Variants in PPP2R5E observed in about 807,000 individuals in gnomAD.
The protein encoded by PPP2R5E is serine/threonine-protein phosphatase 2A 56 kDa regulatory subunit epsilon isoform.
PPP2R5E carries 4 observed loss-of-function variants against 65.3 expected under a neutral mutation model. That is an observed-to-expected ratio of 0.06 (90% confidence interval 0.03 to 0.14). PPP2R5E has a LOEUF of 0.14. Among genes scored for constraint, PPP2R5E ranks in the 10% least tolerant of loss-of-function variants. PPP2R5E has a pLI of 1.00. For synonymous variants in PPP2R5E, 183 were observed against 187.4 expected (o/e 0.98, Z 0.19); for missense variants, 274 against 556.1 (o/e 0.49, Z 5.10).
At chr14:63,402,940 C>T (rs1885840181) in intron 5 of PPP2R5E, among the ~76,000 whole-genome samples, 1 of 152,160 alleles carries the variant, frequency 6.6e-6, no homozygotes, top group African/African-American at 2.4e-5. Context: ...CACCAAAGCA[C>T]ATCACTTTCT....
chr14:63,384,587 A>C lies in PPP2R5E; in HGVS notation c.1075-16T>G, dbSNP rs1884549438. ...TTTCTGCCACCTTTGGGAAAAGAAAAATAAAATGTTAAGAGAGAGAAAAAG... is the reference window on the plus strand; with the variant it reads ...TTTCTGCCACCTTTGGGAAAAGAAACATAAAATGTTAAGAGAGAGAAAAAG... On this transcript the variant is annotated splice_polypyrimidine_tract_variant and intron_variant, in intron 11 of 13. Transcript: ENST00000337537. The C allele has an allele frequency of 6.3e-7, 1 of 1,589,332 alleles. No individual in the cohort carries two copies. The highest frequency in any genetic ancestry group is 2.2e-5 in the East Asian group (1 of 44,690).
In PPP2R5E at chr14:63,539,690, C is replaced by T; in HGVS notation, c.-5G>A. 2 of 1,612,036 alleles carry T rather than the reference C, an allele frequency of 1.2e-6. No homozygotes were observed. Among genetic ancestry groups the T allele is most frequent in the Non-Finnish European group, 1.7e-6 (2 of 1,178,692 alleles). On this transcript the variant is annotated splice_region_variant and 5_prime_UTR_variant, in exon 2 of 14. Coordinates refer to ENST00000337537, the MANE Select transcript of PPP2R5E (RefSeq NM_006246.5). ...AGTAGTTGGTGCTGAGGACATATCCCTACTGAAGAGAAAGAAGTATCATAA... is the reference window on the plus strand; with the variant it reads ...AGTAGTTGGTGCTGAGGACATATCCTTACTGAAGAGAAAGAAGTATCATAA...
intron 5 of PPP2R5E, among the ~76,000 whole-genome samples, chr14:63,413,323 A>G (rs904067122): frequency 1.3e-5 from 2 of 152,340 alleles, no homozygotes; most frequent in African/African-American, 4.8e-5. Flanking sequence ...GAGAATTACT[A>G]TCTGATCCTC....
At chr14:63,430,393 A>ACATGCATG (rs1333941542) in intron 3 of PPP2R5E, among the ~76,000 whole-genome samples, 2 of 138,924 alleles carry the variant, frequency 1.4e-5, no homozygotes, top group Admixed American at 7.1e-5. Context: ...ATACATACAT[A>ACATGCATG]CATACATGCA....
intron 2 of PPP2R5E, among the ~76,000 whole-genome samples, chr14:63,515,252 A>C (rs1458613537): frequency 1.3e-5 from 2 of 152,246 alleles, no homozygotes; most frequent in African/African-American, 4.8e-5. Context: ...AACAGTATAC[A>C]CAACTGAAAT....
chr14:63,476,876 T>A (rs1890438150), intron 2 of PPP2R5E, among the ~76,000 whole-genome samples: 1 of 152,184 alleles, frequency 6.6e-6, no homozygotes, highest in Non-Finnish European at 1.5e-5. Flanking sequence ...ACCTGACTAG[T>A]GTCCACTAAC....
intron 2 of PPP2R5E, among the ~76,000 whole-genome samples, chr14:63,514,887 G>A (rs900806205): frequency 6.6e-6 from 1 of 152,186 alleles, no homozygotes; most frequent in Non-Finnish European, 1.5e-5. Context: ...CCACTTTACA[G>A]ACAAGCAAAC....
intron 1 of PPP2R5E, among the ~76,000 whole-genome samples, chr14:63,541,172 G>A (rs900327293): frequency 6.6e-6 from 1 of 152,134 alleles, no homozygotes; most frequent in East Asian, 1.9e-4. Flanking sequence ...AATGAGGACA[G>A]GCTAGATTAC....
At chr14:63,539,063 A>G (rs1893784558) in intron 2 of PPP2R5E, among the ~76,000 whole-genome samples, 3 of 152,152 alleles carry the variant, frequency 2.0e-5, no homozygotes, top group Non-Finnish European at 4.4e-5. Flanking sequence ...CATGTAAACA[A>G]CTATAAATGG....
intron 2 of PPP2R5E, among the ~76,000 whole-genome samples, chr14:63,526,920 A>G (rs1037798435): frequency 6.6e-6 from 1 of 152,246 alleles, no homozygotes; most frequent in African/African-American, 2.4e-5. Flanking sequence ...CTGTAATCCC[A>G]GCACTCTGGG....
At chr14:63,513,920 C>T (rs774615754) in intron 2 of PPP2R5E, among the ~76,000 whole-genome samples, 1 of 152,222 alleles carries the variant, frequency 6.6e-6, no homozygotes, top group Non-Finnish European at 1.5e-5. Flanking sequence ...CTTCCACTTG[C>T]ACATCCCCCA....
intron 7 of PPP2R5E, among the ~76,000 whole-genome samples, chr14:63,394,595 T>C (rs912425911): frequency 1.3e-5 from 2 of 152,190 alleles, no homozygotes; most frequent in Admixed American, 6.5e-5. Context: ...AATATGACCT[T>C]TTCCATTTCC....
At chr14:63,431,609 C>T (rs906206506) in intron 3 of PPP2R5E, among the ~76,000 whole-genome samples, 1 of 152,122 alleles carries the variant, frequency 6.6e-6, no homozygotes, top group Non-Finnish European at 1.5e-5. Flanking sequence ...GCAAGCCTGT[C>T]CATATCTTTA....
At chr14:63,397,666 T>G (rs945042229) in intron 5 of PPP2R5E, among the ~76,000 whole-genome samples, 1 of 152,132 alleles carries the variant, frequency 6.6e-6, no homozygotes, top group Non-Finnish European at 1.5e-5. Context: ...GTGCTCACTC[T>G]GTAAATAGTC....
In PPP2R5E at chr14:63,376,065, A is replaced by T; in HGVS notation, c.1348T>A (p.Leu450Met). ...EKEREELWKKLEDLELKRGLR... is the reference protein window; with the variant it reads ...EKEREELWKKMEDLELKRGLR... ...CCTCTCTTTAACTCCAGATCCTCCA[A>T]TTTTTTCCACAATTCTTCACGCTCC... The change falls in exon 14 of 14, where the codon TTG becomes ATG. Residue 450 changes from leucine to methionine, a missense_variant. Transcript: ENST00000337537. The T allele has an allele frequency of 1.2e-6, 2 of 1,610,034 alleles. No individual in the cohort carries two copies.
chr14:63,418,895 G>C (rs1038782132), intron 4 of PPP2R5E, among the ~76,000 whole-genome samples: 2 of 142,806 alleles, frequency 1.4e-5, no homozygotes, highest in African/African-American at 5.3e-5. Flanking sequence ...TGCCCAGGCA[G>C]GAGTGCAGTG....
chr14:63,414,456 A>G (rs1886578954), intron 5 of PPP2R5E, among the ~76,000 whole-genome samples: 1 of 152,170 alleles, frequency 6.6e-6, no homozygotes, highest in African/African-American at 2.4e-5. Context: ...GTTTGGCTCA[A>G]GCACCCATTT....
chr14:63,534,147 T>C (rs1452306876), intron 2 of PPP2R5E, among the ~76,000 whole-genome samples: 1 of 152,180 alleles, frequency 6.6e-6, no homozygotes, highest in Admixed American at 6.5e-5. Context: ...CCACTGATTA[T>C]TATTAACATA....
chr14:63,400,457 A>G (rs905255606), intron 5 of PPP2R5E, among the ~76,000 whole-genome samples: 2 of 152,206 alleles, frequency 1.3e-5, no homozygotes, highest in African/African-American at 4.8e-5. Context: ...TCAATAGTAC[A>G]TGCTTTTCCT....
Sources: gnomAD v4.1 joint callset for allele counts (sites outside exome capture counted in the v4.1 genomes callset) on GRCh38, gnomAD v4.1.1 for gene constraint, MANE v1.5 for transcripts, NCBI Gene and HGNC (gene_info 2026-07-23, HGNC 2026-07-21) for gene names.